Variants in DIAPH3 observed in about 807,000 individuals in gnomAD.
DIAPH3 encodes diaphanous related formin 3, also known as protein diaphanous homolog 3.
A neutral mutation model predicts 144.3 loss-of-function variants in DIAPH3; 117 were observed. The ratio of observed to expected loss-of-function variants is 0.81; its 90% CI spans 0.70 to 0.95. DIAPH3 has a LOEUF of 0.95. Ranked by LOEUF, DIAPH3 falls within the 40% of genes least tolerant of loss-of-function variation. DIAPH3 has a pLI of 0.00. For missense variants in DIAPH3, 1,421 were observed against 1,412.7 expected, an observed-to-expected ratio of 1.01 and a Z score of -0.09; for synonymous variants, 519 against 488.9, an observed-to-expected ratio of 1.06 and a Z score of -0.81.
chr13:60,096,943 C>A (rs1308326698), intron 3 of DIAPH3, among the ~76,000 whole-genome samples: 2 of 152,156 alleles, frequency 1.3e-5, no homozygotes, highest in Non-Finnish European at 2.9e-5. Context: ...GGACTTCTTG[C>A]CCTTTATAAT....
chr13:60,010,406 C>T, intron 8 of DIAPH3, 127 bp downstream of exon 8: 1 of 1,031,224 alleles, frequency 9.7e-7, no homozygotes, highest in South Asian at 1.8e-5. Flanking sequence ...ATATTAGCTG[C>T]TTAAATATAC....
intron 21 of DIAPH3, among the ~76,000 whole-genome samples, chr13:59,877,002 C>T (rs1425733119): frequency 1.1e-4 from 17 of 152,072 alleles, no homozygotes; most frequent in Admixed American, 1.1e-3. Flanking sequence ...GTGTACTTCC[C>T]TACATCCCCA....
chr13:59,670,009 C>A (rs534942730), intron 27 of DIAPH3, among the ~76,000 whole-genome samples: 6 of 152,236 alleles, frequency 3.9e-5, no homozygotes, highest in Admixed American at 3.3e-4. Context: ...GGATGAAATG[C>A]CTAGCATTTC....
chr13:59,992,414 C>A, intron 10 of DIAPH3, 59 bp downstream of exon 10: 2 of 1,361,664 alleles, frequency 1.5e-6, no homozygotes, highest in Non-Finnish European at 2.0e-6. Context: ...ATCTAAATTT[C>A]CCCCTACTCA....
chr13:59,984,290 T>C (rs1438753014), intron 12 of DIAPH3, among the ~76,000 whole-genome samples: 2 of 151,694 alleles, frequency 1.3e-5, no homozygotes, highest in Admixed American at 1.3e-4. Context: ...AAATTTTCTC[T>C]AAAAAGTTTT....
chr13:59,988,037 TA>T (rs1287995260), intron 12 of DIAPH3, among the ~76,000 whole-genome samples: 3 of 151,778 alleles, frequency 2.0e-5, no homozygotes, highest in Non-Finnish European at 2.9e-5. Context: ...TTCCTTTCCA[TA>T]AACTATGACC....
At chr13:59,975,808 A>G (rs936468525) in intron 14 of DIAPH3, among the ~76,000 whole-genome samples, 1 of 152,002 alleles carries the variant, frequency 6.6e-6, no homozygotes, top group Non-Finnish European at 1.5e-5. Context: ...ATAGGTAAAA[A>G]CTGTCCAAAT....
intron 27 of DIAPH3, among the ~76,000 whole-genome samples, chr13:59,707,179 G>T (rs2034477950): frequency 6.6e-6 from 1 of 152,146 alleles, no homozygotes; most frequent in South Asian, 2.1e-4. Flanking sequence ...CCAAGTTTAA[G>T]TTTTAATGCA....
At chr13:59,990,711 C>G (rs1004218694) in intron 12 of DIAPH3, among the ~76,000 whole-genome samples, 1 of 151,834 alleles carries the variant, frequency 6.6e-6, no homozygotes, top group Admixed American at 6.6e-5. Context: ...TCTTTAAAAG[C>G]CATTTGTCTG....
At chr13:59,908,361 C>G (rs1171821029) in intron 20 of DIAPH3, among the ~76,000 whole-genome samples, 3 of 103,102 alleles carry the variant, frequency 2.9e-5, no homozygotes, top group African/African-American at 1.1e-4. Context: ...CAGAGCTAGA[C>G]TCTGTCTCAA....
At chr13:60,062,017 C>G (rs1482588650) in intron 4 of DIAPH3, among the ~76,000 whole-genome samples, 1 of 152,070 alleles carries the variant, frequency 6.6e-6, no homozygotes, top group African/African-American at 2.4e-5. Flanking sequence ...CTAACCCCCT[C>G]GGCAGGAGAT....
chr13:59,782,133 T>G (rs2038772146), intron 25 of DIAPH3, among the ~76,000 whole-genome samples: 1 of 150,072 alleles, frequency 6.7e-6, no homozygotes, highest in African/African-American at 2.5e-5. Context: ...AAATTTGGGG[T>G]AAAGAAAAAA....
chr13:59,979,581 A>G (rs1335218515), intron 14 of DIAPH3, among the ~76,000 whole-genome samples: 1 of 151,676 alleles, frequency 6.6e-6, no homozygotes, highest in Non-Finnish European at 1.5e-5. Flanking sequence ...ACAACCTCTC[A>G]TTTAGCGTTT....
chr13:59,953,780 C>T (rs985079096), intron 17 of DIAPH3, among the ~76,000 whole-genome samples: 2 of 152,048 alleles, frequency 1.3e-5, no homozygotes. Flanking sequence ...TTAATCTTTT[C>T]GTATGTGTGC....
chr13:59,957,626 T>C (rs1434681746), intron 17 of DIAPH3, among the ~76,000 whole-genome samples: 2 of 152,156 alleles, frequency 1.3e-5, no homozygotes, highest in Non-Finnish European at 2.9e-5. Context: ...CTATTAGTAC[T>C]GAAAAACTGC....
At chr13:60,047,164 C>A (rs985506283) in intron 4 of DIAPH3, among the ~76,000 whole-genome samples, 16 of 151,820 alleles carry the variant, frequency 1.1e-4, no homozygotes, top group Non-Finnish European at 2.2e-4. Flanking sequence ...GATAAAACTA[C>A]AACACATTTG....
chr13:59,996,379 T>G (rs2052189573), intron 9 of DIAPH3, among the ~76,000 whole-genome samples: 1 of 152,118 alleles, frequency 6.6e-6, no homozygotes, highest in South Asian at 2.1e-4. Context: ...TCAATTCTAA[T>G]GGTTTGGAAA....
At chr13:60,021,389 C>T (rs1359486975) in intron 5 of DIAPH3, among the ~76,000 whole-genome samples, 58 of 152,306 alleles carry the variant, frequency 3.8e-4, no homozygotes, top group Non-Finnish European at 1.5e-4. Context: ...CTTTGGGAGG[C>T]TGAGGTGGGT....
intron 23 of DIAPH3, among the ~76,000 whole-genome samples, chr13:59,836,692 AAATTAT>A: frequency 1.3e-5 from 2 of 152,038 alleles, no homozygotes; most frequent in South Asian, 4.1e-4. Context: ...ACAGTTCACT[AAATTAT>A]AATTATTTAA....
Sources: allele counts gnomAD v4.1 joint callset (sites outside exome capture counted in the v4.1 genomes callset), GRCh38; gene constraint gnomAD v4.1.1; transcripts MANE v1.5; gene names NCBI Gene and HGNC (gene_info 2026-07-23, HGNC 2026-07-21).